FOXP2: variants seen among roughly 807,000 people sequenced by gnomAD.
The protein encoded by FOXP2 is forkhead box protein P2.
In FOXP2, 12 loss-of-function variants were observed where a neutral mutation model predicts 115.8. The observed-to-expected ratio is 0.10, with a 90% CI of 0.07 to 0.17. The LOEUF is 0.17. Among genes scored for constraint, FOXP2 ranks in the 10% least tolerant of loss-of-function variants. FOXP2 has a pLI of 1.00. For missense variants in FOXP2, 629 were observed against 843.5 expected (o/e 0.75, Z 3.15); for synonymous variants, 328 against 297.7 (o/e 1.10, Z -1.05).
At chr7:114,337,762 T>C (rs79618976) in intron 2 of FOXP2, among the ~76,000 whole-genome samples, 481 of 151,212 alleles carry the variant, frequency 3.2e-3, no homozygotes, top group Admixed American at 4.9e-3. Context: ...TACTGGTAAA[T>C]AGATAATCAT....
chr7:114,326,734 T>G (rs907884737), intron 2 of FOXP2, among the ~76,000 whole-genome samples: 2 of 152,278 alleles, frequency 1.3e-5, no homozygotes, highest in South Asian at 4.1e-4. Context: ...ATAATTTCAC[T>G]CAAGAAAATA....
At chr7:114,557,492 A>G (rs1173055337) in intron 3 of FOXP2, among the ~76,000 whole-genome samples, 1 of 145,858 alleles carries the variant, frequency 6.9e-6, no homozygotes, top group Non-Finnish European at 1.5e-5. Context: ...AAATATAATA[A>G]GAAGTATTTT....
Position 114,280,879 on chromosome 7 carries a change from C to T in FOXP2, c.-101-7140C>T, listed in dbSNP as rs115412873. On this transcript the variant is annotated intron_variant, in intron 1 of 17. Coordinates refer to the FOXP2 transcript ENST00000634411. ...ATTACCCTGTGCTTACTTTTGCTTA[C>T]ATGATATCACATTTTAACTTATGAT... 2.8e-3 allele frequency among the ~76,000 whole-genome samples: 430 copies of T among 152,148 alleles called. 2 individuals are homozygous for T. The highest frequency in any genetic ancestry group is 9.9e-3 in the African/African-American group (413 of 41,526).
At chr7:114,247,959 G>A (rs543162712) in intron 1 of FOXP2, among the ~76,000 whole-genome samples, 70 of 151,776 alleles carry the variant, frequency 4.6e-4, no homozygotes, top group African/African-American at 1.2e-3. Context: ...ACACACACAC[G>A]TACACACACA....
Position 114,257,020 on chromosome 7 carries a change from CA to C in FOXP2, c.-101-30998del, listed in dbSNP as rs556765476. 1.2e-3 allele frequency among the ~76,000 whole-genome samples: 184 copies of C among 152,276 alleles called. 2 individuals are homozygous for C. Among genetic ancestry groups the C allele is most frequent in the African/African-American group, 4.4e-3 (182 of 41,560 alleles). On this transcript the variant is annotated intron_variant, in intron 1 of 17. Coordinates refer to the FOXP2 transcript ENST00000634411. The stretch of plus-strand genomic sequence containing the variant: ...TAAGCAAAAAGATCAAAGCTGAAGG[CA>C]TCATGCTGCCTGACTTCAAAGTTTA...
chr7:114,188,542 T>C (rs993418898), intron 1 of FOXP2, among the ~76,000 whole-genome samples: 1 of 152,202 alleles, frequency 6.6e-6, no homozygotes, highest in Non-Finnish European at 1.5e-5. Context: ...TAAAGGTAAC[T>C]CCTCAATCCT....
chr7:114,672,738 G>A (rs1456880918), intron 16 of FOXP2, among the ~76,000 whole-genome samples: 6 of 152,326 alleles, frequency 3.9e-5, no homozygotes, highest in Admixed American at 2.0e-4. Flanking sequence ...CAGCAAAGCA[G>A]TCAGTCTCAG....
At chr7:114,223,880 A>AAATATTTTTTTGT (rs1794683810) in intron 1 of FOXP2, among the ~76,000 whole-genome samples, 4 of 151,836 alleles carry the variant, frequency 2.6e-5, no homozygotes, top group African/African-American at 9.7e-5. Flanking sequence ...TATGGTTAGA[A>AAATATTTTTTTGT]TTTTTTTGTT....
chr7:114,209,124 A>T (rs1794278348), intron 1 of FOXP2, among the ~76,000 whole-genome samples: 1 of 152,140 alleles, frequency 6.6e-6, no homozygotes, highest in Non-Finnish European at 1.5e-5. Flanking sequence ...GGTTTCTCCC[A>T]TCCTGTTTTC....
At chr7:114,141,221 T>A (rs772789219) in intron 1 of FOXP2, among the ~76,000 whole-genome samples, 2 of 152,182 alleles carry the variant, frequency 1.3e-5, no homozygotes, top group African/African-American at 4.8e-5. Flanking sequence ...AGGGATTACA[T>A]GATTGAGCTC....
At chr7:114,491,619 C>T (rs1200574488) in intron 2 of FOXP2, among the ~76,000 whole-genome samples, 2 of 152,068 alleles carry the variant, frequency 1.3e-5, no homozygotes, top group African/African-American at 4.8e-5. Context: ...AGGTTTTCTT[C>T]TAGGGTTTTT....
At chr7:114,300,174 T>C (rs191084586) in intron 2 of FOXP2, among the ~76,000 whole-genome samples, 1 of 152,208 alleles carries the variant, frequency 6.6e-6, no homozygotes, top group East Asian at 1.9e-4. Flanking sequence ...CTTATTGTTA[T>C]ACTTTAGGCA....
intron 16 of FOXP2, among the ~76,000 whole-genome samples, chr7:114,676,440 A>G: frequency 6.6e-6 from 1 of 152,212 alleles, no homozygotes; most frequent in East Asian, 1.9e-4. Context: ...AGTTCATTTG[A>G]CAGGATAAAG....
intron 2 of FOXP2, among the ~76,000 whole-genome samples, chr7:114,530,179 C>A (rs1247667028): frequency 6.6e-6 from 1 of 151,734 alleles, no homozygotes; most frequent in Non-Finnish European, 1.5e-5. Flanking sequence ...TTTCTTGTAT[C>A]ATATTTCTTC....
intron 3 of FOXP2, among the ~76,000 whole-genome samples, chr7:114,565,356 A>G (rs1315832193): frequency 5.3e-5 from 8 of 152,204 alleles, no homozygotes; most frequent in African/African-American, 1.4e-4. Context: ...GACTAAGTGA[A>G]TAATGGACTA....
At chr7:114,652,152 A>G in intron 8 of FOXP2, 51 bp from the exon 9 acceptor site, 1 of 1,551,922 alleles carries the variant, frequency 6.4e-7, no homozygotes, top group Non-Finnish European at 8.9e-7. Context: ...AGCCTATGCC[A>G]CTAAGATCGA....
chr7:114,438,237 A>T (rs2129210872), intron 2 of FOXP2, among the ~76,000 whole-genome samples: 1 of 152,224 alleles, frequency 6.6e-6, no homozygotes, highest in East Asian at 1.9e-4. Flanking sequence ...TTTTCTAGTT[A>T]TGTTTGGTTC....
intron 3 of FOXP2, among the ~76,000 whole-genome samples, chr7:114,540,309 G>A (rs984548475): frequency 3.3e-5 from 5 of 151,980 alleles, no homozygotes; most frequent in Middle Eastern, 3.2e-3. Flanking sequence ...AACTGTAAGC[G>A]ATATGACAGC....
rs1181613024 is a variant in FOXP2 at position 114,542,781 on chromosome 7, GTTTTTGT to G, written c.258+8088_258+8094del. ...ATGTGGAATAAATTTTTTTGTTTTT[GTTTTTGT>G]TTTTTGTTTTTTTTTTTTTTGAGGC... On this transcript the variant is annotated intron_variant, in intron 3 of 16. Coordinates refer to ENST00000350908, the MANE Select transcript of FOXP2 (RefSeq NM_014491.4). Among the ~76,000 whole-genome samples, 4 of 145,002 alleles carry G rather than the reference GTTTTTGT, an allele frequency of 2.8e-5. No individual in the cohort carries two copies. In the South Asian group the frequency reaches 8.9e-4, roughly 32 times the overall value.
Sources: gnomAD v4.1 joint callset for allele counts (sites outside exome capture counted in the v4.1 genomes callset) on GRCh38, gnomAD v4.1.1 for gene constraint, MANE v1.5 for transcripts, NCBI Gene and HGNC (gene_info 2026-07-23, HGNC 2026-07-21) for gene names.